Variants in ZBTB16 observed in about 807,000 individuals in gnomAD.
ZBTB16 encodes the protein zinc finger and BTB domain-containing protein 16.
Under a neutral mutation model 56.8 loss-of-function variants are expected in ZBTB16, and 8 were observed. The observed-to-expected ratio is 0.14, with a 90% confidence interval of 0.08 to 0.25. The LOEUF (loss-of-function observed/expected upper bound fraction) is 0.25. Ranked by LOEUF, ZBTB16 falls within the 10% of genes least tolerant of loss-of-function variation. The pLI is 1.00. For missense variants in ZBTB16, 625 were observed against 903.0 expected, an observed-to-expected ratio of 0.69 and a Z score of 3.95; for synonymous variants, 363 against 368.5, an observed-to-expected ratio of 0.98 and a Z score of 0.17.
At chr11:114,141,038 C>T (rs575403660) in intron 2 of ZBTB16, among the ~76,000 whole-genome samples, 9 of 152,242 alleles carry the variant, frequency 5.9e-5, no homozygotes, top group South Asian at 2.1e-4. Context: ...CTCAGGACTC[C>T]GCATCATCAG....
intron 4 of ZBTB16, among the ~76,000 whole-genome samples, chr11:114,194,418 C>T (rs1289408782): frequency 6.6e-6 from 1 of 152,314 alleles, no homozygotes; most frequent in East Asian, 1.9e-4. Flanking sequence ...CCCCTGCCCT[C>T]AAGATCTTGA....
At chr11:114,195,995 T>C (rs1299241484) in intron 4 of ZBTB16, among the ~76,000 whole-genome samples, 1 of 152,148 alleles carries the variant, frequency 6.6e-6, no homozygotes, top group South Asian at 2.1e-4. Flanking sequence ...CTCAGTGCAG[T>C]TGAAAGAAGT....
At chr11:114,210,190 T>TGCGC (rs1348287902) in intron 4 of ZBTB16, among the ~76,000 whole-genome samples, 30 of 131,618 alleles carry the variant, frequency 2.3e-4, no homozygotes, top group African/African-American at 6.0e-4. Context: ...TGTGTGTGTG[T>TGCGC]GTGCGTGCGC....
At chr11:114,155,079 A>G (rs944160650) in intron 2 of ZBTB16, among the ~76,000 whole-genome samples, 2 of 152,158 alleles carry the variant, frequency 1.3e-5, no homozygotes, top group African/African-American at 4.8e-5. Flanking sequence ...CTGCAGTTTT[A>G]TCTGTTGTCA....
chr11:114,093,149 C>T (rs539589073), intron 2 of ZBTB16, among the ~76,000 whole-genome samples: 104 of 152,176 alleles, frequency 6.8e-4, no homozygotes, highest in Non-Finnish European at 1.3e-3. Context: ...GTTAAGGCCC[C>T]ACGTGTTTTT....
Position 114,089,968 on chromosome 11 carries a change from CT to C in ZBTB16, c.1268+25401del. ...GGCTCAGGGCAGGAAGCTGCTGATT[CT>C]GGGTCACTTGGCTGCTCTTGCTTGC... On this transcript the variant is annotated intron_variant, in intron 2 of 6. Coordinates refer to ENST00000335953, the MANE Select transcript of ZBTB16 (RefSeq NM_006006.6). Among the ~76,000 whole-genome samples, 2 of 152,218 alleles carry C rather than the reference CT, an allele frequency of 1.3e-5. 1 individual carries two copies. Among genetic ancestry groups the C allele is most frequent in the Middle Eastern group, 6.3e-3 (2 of 316 alleles).
At chr11:114,172,947 G>T (rs140546703) in intron 3 of ZBTB16, among the ~76,000 whole-genome samples, 29 of 152,308 alleles carry the variant, frequency 1.9e-4, no homozygotes, top group South Asian at 4.1e-4. Context: ...GTTTTGAAAA[G>T]TGTGGCATCT....
chr11:114,209,255 T>C (rs1006713194), intron 4 of ZBTB16: 5 of 458,256 alleles, frequency 1.1e-5, no homozygotes, highest in Non-Finnish European at 1.4e-5. Flanking sequence ...GTGCACTTAT[T>C]TTGTGTGCTG....
At chr11:114,124,699 T>C (rs935851057) in intron 2 of ZBTB16, among the ~76,000 whole-genome samples, 1 of 152,212 alleles carries the variant, frequency 6.6e-6, no homozygotes, top group Non-Finnish European at 1.5e-5. Context: ...CTGAGCTTCA[T>C]GTACCAGAAG....
chr11:114,187,214 C>T, intron 4 of ZBTB16, 176 bp downstream of exon 4: 2 of 713,284 alleles, frequency 2.8e-6, no homozygotes, highest in South Asian at 3.0e-5. Context: ...GTGTGGCTGG[C>T]CCAGCAGAAG....
chr11:114,162,010 T>C (rs1942602759), intron 3 of ZBTB16, among the ~76,000 whole-genome samples: 1 of 152,248 alleles, frequency 6.6e-6, no homozygotes, highest in African/African-American at 2.4e-5. Flanking sequence ...TGTCAGGCAC[T>C]GTAGGCCCTG....
At position 114,207,038 on chromosome 11, in the gene ZBTB16, G is replaced by A. The variant is rs530485467; in HGVS notation, c.1453+20000G>A. On this transcript the variant is annotated intron_variant, in intron 4 of 6. Coordinates refer to ENST00000335953, the MANE Select transcript of ZBTB16 (RefSeq NM_006006.6). ...GTTTTTGAACGACTGCCTCATTCCTGTAAGACAAAGGTGGCAATGGAGGGT... is the reference window on the plus strand; with the variant it reads ...GTTTTTGAACGACTGCCTCATTCCTATAAGACAAAGGTGGCAATGGAGGGT... Among the ~76,000 whole-genome samples the A allele has an allele frequency of 5.3e-5, 8 of 152,308 alleles. No individual in the cohort carries two copies. The Middle Eastern group carries it at 0.014, about 259-fold the overall frequency.
At chr11:114,206,469 C>T (rs1943875950) in intron 4 of ZBTB16, among the ~76,000 whole-genome samples, 1 of 152,140 alleles carries the variant, frequency 6.6e-6, no homozygotes, top group Admixed American at 6.5e-5. Flanking sequence ...CCTGGAAATC[C>T]CCAGAGTAGG....
intron 3 of ZBTB16, among the ~76,000 whole-genome samples, chr11:114,185,602 G>T (rs1269591855): frequency 6.6e-6 from 1 of 152,202 alleles, no homozygotes; most frequent in Non-Finnish European, 1.5e-5. Flanking sequence ...TGAGTAGATT[G>T]CGGGTGGCTG....
intron 2 of ZBTB16, among the ~76,000 whole-genome samples, chr11:114,096,983 A>G (rs1269070010): frequency 1.3e-5 from 2 of 152,248 alleles, no homozygotes; most frequent in Admixed American, 6.5e-5. Flanking sequence ...GAACTTGAAC[A>G]GATATTTGCA....
chr11:114,079,318 C>T (rs1211806892), intron 2 of ZBTB16, among the ~76,000 whole-genome samples: 4 of 152,100 alleles, frequency 2.6e-5, no homozygotes, highest in Non-Finnish European at 2.9e-5. Context: ...TGTATGATTG[C>T]GCTGTAGCCC....
intron 4 of ZBTB16, among the ~76,000 whole-genome samples, chr11:114,228,179 C>A (rs1944367563): frequency 1.3e-5 from 2 of 152,180 alleles, no homozygotes; most frequent in Non-Finnish European, 2.9e-5. Context: ...ATACAAATAT[C>A]AAAATATTTT....
At chr11:114,162,152 C>G (rs1942607003) in intron 3 of ZBTB16, among the ~76,000 whole-genome samples, 1 of 152,196 alleles carries the variant, frequency 6.6e-6, no homozygotes, top group Non-Finnish European at 1.5e-5. Flanking sequence ...TCACCTGGGA[C>G]CTGGGTCATC....
chr11:114,189,877 G>T (rs190615754), intron 4 of ZBTB16: 114 of 152,166 alleles, frequency 7.5e-4, no homozygotes, highest in African/African-American at 2.7e-3. Context: ...ACCTGTACGT[G>T]AATGTTTATA....
Sources: allele counts gnomAD v4.1 joint callset (sites outside exome capture counted in the v4.1 genomes callset), GRCh38; gene constraint gnomAD v4.1.1; transcripts MANE v1.5; gene names NCBI Gene and HGNC (gene_info 2026-07-23, HGNC 2026-07-21).